CTSE: variants seen among roughly 807,000 people sequenced by gnomAD.
CTSE encodes the protein cathepsin E.
CTSE carries 43 observed loss-of-function variants against 42.8 expected under a neutral mutation model. The ratio of observed to expected loss-of-function variants is 1.01; its 90% CI spans 0.79 to 1.30. The LOEUF (loss-of-function observed/expected upper bound fraction) is 1.30, where lower values mean the gene tolerates loss of function less well. Ranked by LOEUF, CTSE falls within the 50% of genes most tolerant of loss-of-function variation. CTSE has a pLI of 0.00. For synonymous variants in CTSE, 205 were observed against 191.5 expected (o/e 1.07, Z -0.58); for missense variants, 532 against 493.5 (o/e 1.08, Z -0.74).
In CTSE at chr1:206,012,306, A is replaced by C; in HGVS notation, c.1026+2T>G. ...CCTGCAGAATAAGGAAACAGTTCTT[A>C]CCAGTAGGGTGTAGGCAGTTGGGCT... On this transcript the variant is annotated splice_donor_variant, in intron 8 of 8. Transcript: ENST00000358184. LOFTEE classifies it high-confidence loss of function. The C allele has an allele frequency of 6.2e-7, 1 of 1,611,470 alleles. No homozygotes were observed. The highest frequency in any genetic ancestry group is 8.5e-7 in the Non-Finnish European group (1 of 1,177,712).
intron 4 of CTSE, 91 bp from the exon 5 acceptor site, chr1:206,016,221 G>T: frequency 8.4e-7 from 1 of 1,191,474 alleles, no homozygotes; most frequent in Non-Finnish European, 1.2e-6. Context: ...CTGTCTTGAA[G>T]CTAATGCCTC....
intron 4 of CTSE, among the ~76,000 whole-genome samples, chr1:206,019,301 G>C (rs1283232851): frequency 1.3e-5 from 2 of 152,094 alleles, no homozygotes; most frequent in Non-Finnish European, 2.9e-5. Context: ...AGGGAAGATA[G>C]ATGTCAAGTG....
chr1:206,017,775 C>T (rs576500206), intron 4 of CTSE, among the ~76,000 whole-genome samples: 1 of 152,118 alleles, frequency 6.6e-6, no homozygotes, highest in African/African-American at 2.4e-5. Context: ...CTGTGCCTGG[C>T]CCCAGATGAT....
chr1:206,022,160 G>A lies in CTSE; in HGVS notation c.333C>T (p.Ser111=). 1 of 1,601,350 alleles carries A rather than the reference G, an allele frequency of 6.2e-7. No homozygotes were observed. The highest frequency in any genetic ancestry group is 8.5e-7 in the Non-Finnish European group (1 of 1,170,680). The change falls in exon 3 of 9, where the codon AGC becomes AGT. Residue 111 remains serine (S), a synonymous_variant. Transcript: ENST00000358184. ...CCTGGCCCCACTTACTGCAGGCTGG[G>A]CTAGTGCAGTACACAGAGGGGACCC... ...NLWVPSVYCT[S]PACKTHSRFQ...
rs782109377 is a variant in CTSE at position 206,023,783 on chromosome 1, C to T, written c.9G>A (p.Thr3=). The T allele has an allele frequency of 1.8e-5, 29 of 1,613,484 alleles. No homozygotes were observed. Among genetic ancestry groups the T allele is most frequent in the African/African-American group, 1.3e-4 (10 of 74,868 alleles). Reference sequence around the variant, plus strand: ...GGAGCACCAGCAGCAAAAGAAGGAGCGTTTTCATTGTGAGTCCGACCAGCA... The same window carrying T: ...GGAGCACCAGCAGCAAAAGAAGGAGTGTTTTCATTGTGAGTCCGACCAGCA... MK[T]LLLLLLVLLE... is the part of the protein sequence containing the mutation. Residue 3 remains threonine (T), a synonymous_variant, in exon 1 of 9, where the codon ACG becomes ACA. Coordinates refer to ENST00000358184, the MANE Select transcript of CTSE (RefSeq NM_001910.4).
Position 206,009,279 on chromosome 1 carries a change from T to C in CTSE, c.*904A>G, listed in dbSNP as rs1220350812. 3 of 152,058 alleles carry C rather than the reference T, an allele frequency of 2.0e-5. No individual in the cohort carries two copies. The highest frequency in any genetic ancestry group is 7.2e-5 in the African/African-American group (3 of 41,432). The allele number at this position is 152,058 out of a possible 1,614,324, so 9.4% of individuals were successfully genotyped here. A position where few individuals can be genotyped will look rare whatever the true frequency, so the allele number is the denominator to read the frequency against. On this transcript the variant is annotated 3_prime_UTR_variant, in exon 9 of 9. Transcript: ENST00000358184. Reference sequence around the variant, plus strand: ...AACGATCAGGTAAAATGCTGAACTTTGTAATGAATGATTAAAGCCAAGAAC... The same window carrying C: ...AACGATCAGGTAAAATGCTGAACTTCGTAATGAATGATTAAAGCCAAGAAC...
intron 8 of CTSE, 91 bp from the exon 9 acceptor site, chr1:206,010,438 C>T: frequency 1.7e-6 from 2 of 1,167,590 alleles, no homozygotes; most frequent in Admixed American, 1.7e-5. Flanking sequence ...TGGTGGCTGG[C>T]ACTGGGTGGC....
intron 4 of CTSE, among the ~76,000 whole-genome samples, chr1:206,017,674 G>A (rs541187183): frequency 2.4e-4 from 36 of 151,890 alleles, no homozygotes; most frequent in African/African-American, 8.7e-4. Context: ...ATTTTTAGTA[G>A]AGAAATGTTG....
At chr1:206,023,661 G>T in intron 1 of CTSE, 63 bp downstream of exon 1, 6 of 1,489,410 alleles carry the variant, frequency 4.0e-6, no homozygotes, top group Non-Finnish European at 5.6e-6. Context: ...CTACCCCAGA[G>T]CAGCCCTGAG....
chr1:206,010,304 C>T lies in CTSE; in HGVS notation c.1070G>A (p.Gly357Glu). Residue 357 changes from glycine (G) to glutamate (E), a missense_variant, in exon 9 of 9, where the codon GGA (glycine) becomes GAA (glutamate). Coordinates refer to ENST00000358184, the MANE Select transcript of CTSE (RefSeq NM_001910.4). Reference sequence around the variant, plus strand: ...CCCAGCTGGAGGGTGGATGTCAAGTCCTTGAAAGCCACTGCTGCAGAACTG... The same window carrying T: ...CCCAGCTGGAGGGTGGATGTCAAGTTCTTGAAAGCCACTGCTGCAGAACTG... ...GMQFCSSGFQ[G>E]LDIHPPAGPL... 3.7e-6 allele frequency: 6 copies of T among 1,613,796 alleles called. No homozygotes were observed. Among genetic ancestry groups the T allele is most frequent in the Non-Finnish European group, 5.1e-6 (6 of 1,179,850 alleles).
chr1:206,021,316 C>T, intron 3 of CTSE, 149 bp from the exon 4 acceptor site: 1 of 656,350 alleles, frequency 1.5e-6, no homozygotes. Flanking sequence ...ATGCCCCTCC[C>T]TAATGAACAA....
At chr1:206,017,647 G>A (rs191202001) in intron 4 of CTSE, among the ~76,000 whole-genome samples, 79 of 151,958 alleles carry the variant, frequency 5.2e-4, no homozygotes, top group African/African-American at 1.9e-3. Flanking sequence ...GTGCCACCAC[G>A]CCTGGCTAAT....
chr1:206,014,967 T>C (rs1553277565), intron 5 of CTSE, among the ~76,000 whole-genome samples: 1 of 151,902 alleles, frequency 6.6e-6, no homozygotes, highest in Non-Finnish European at 1.5e-5. Context: ...TGAAACAGTG[T>C]GAACGCAGGC....
intron 3 of CTSE, 87 bp downstream of exon 3, chr1:206,022,063 C>A (rs1374589362): frequency 3.4e-6 from 3 of 881,994 alleles, no homozygotes; most frequent in Non-Finnish European, 5.1e-6. Flanking sequence ...TTTCTGGAAC[C>A]TAAGCCCCCC....
rs782060046 is a variant in CTSE at position 206,010,256 on chromosome 1, AC to A, written c.1117del (p.Val373SerfsTer39). ...GACTGAGTAAAACTGTCGAATGAAG[AC>A]ATCCCCCAGGATCCAGAGGGGCCCA... ...PAGPLWILGD[V>X]FIRQFYSVFD... is the part of the protein sequence containing the mutation. On this transcript the variant is annotated frameshift_variant, in exon 9 of 9. Transcript: ENST00000358184. LOFTEE classifies it high-confidence loss of function. 4 of 1,613,798 alleles carry A rather than the reference AC, an allele frequency of 2.5e-6. No homozygotes were observed. The South Asian group carries it at 4.4e-5, about 18-fold the overall frequency.
intron 4 of CTSE, among the ~76,000 whole-genome samples, chr1:206,018,520 G>C (rs145992233): frequency 0.013 from 1,930 of 152,092 alleles, 37 homozygotes; most frequent in Non-Finnish European, 0.018. Flanking sequence ...AGTGTTGAGA[G>C]AATTTATCAG....
intron 3 of CTSE, among the ~76,000 whole-genome samples, chr1:206,021,715 G>T (rs1243609541): frequency 1.3e-5 from 2 of 151,908 alleles, no homozygotes; most frequent in African/African-American, 2.4e-5. Flanking sequence ...TGCCCCACCA[G>T]CCCCACCTGT....
At chr1:206,023,239 T>C (rs1438143879) in intron 1 of CTSE, among the ~76,000 whole-genome samples, 182 bp from the exon 2 acceptor site, 1 of 151,898 alleles carries the variant, frequency 6.6e-6, no homozygotes, top group Non-Finnish European at 1.5e-5. Flanking sequence ...CCCGGCCTCA[T>C]CTCTGCCCTA....
intron 2 of CTSE, 80 bp downstream of exon 2, chr1:206,022,821 A>T (rs1307153665): frequency 7.7e-7 from 1 of 1,302,908 alleles, no homozygotes; most frequent in African/African-American, 1.5e-5. Context: ...GGTGCTACTG[A>T]TGTGGCACTG....
Sources: gnomAD v4.1 joint callset for allele counts (sites outside exome capture counted in the v4.1 genomes callset) on GRCh38, gnomAD v4.1.1 for gene constraint, MANE v1.5 for transcripts, NCBI Gene and HGNC (gene_info 2026-07-23, HGNC 2026-07-21) for gene names.